Variants in DNAJC3 observed in about 807,000 individuals in gnomAD.
The protein encoded by DNAJC3 is dnaJ homolog subfamily C member 3.
DNAJC3 carries 38 observed loss-of-function variants against 68.6 expected under a neutral mutation model. The observed-to-expected ratio is 0.55, with a 90% CI of 0.43 to 0.73. DNAJC3 has a LOEUF of 0.73. Ranked by LOEUF, DNAJC3 falls within the 30% of genes least tolerant of loss-of-function variation. The pLI is 0.00. For missense variants in DNAJC3, 526 were observed against 591.9 expected (o/e 0.89, Z 1.16); for synonymous variants, 203 against 204.0 (o/e 1.00, Z 0.04).
At chr13:95,759,989 G>C (rs1405391755) in intron 5 of DNAJC3, 51 bp from the exon 6 acceptor site, 4 of 1,475,606 alleles carry the variant, frequency 2.7e-6, no homozygotes, top group Non-Finnish European at 3.6e-6. Flanking sequence ...ATGCAACAAT[G>C]AATGTGCATA....
chr13:95,749,412 A>G (rs770818598), intron 4 of DNAJC3, among the ~76,000 whole-genome samples: 8 of 152,202 alleles, frequency 5.3e-5, no homozygotes, highest in African/African-American at 1.7e-4. Flanking sequence ...TTGCTGAGAT[A>G]TGGGCCAAAG....
intron 4 of DNAJC3, among the ~76,000 whole-genome samples, chr13:95,740,178 C>A (rs867448586): frequency 1.3e-5 from 2 of 152,198 alleles, no homozygotes; most frequent in Non-Finnish European, 2.9e-5. Flanking sequence ...TCTCAGATCT[C>A]CAGCTGCGTG....
intron 2 of DNAJC3, among the ~76,000 whole-genome samples, chr13:95,718,518 A>G (rs1443638738): frequency 6.6e-6 from 1 of 152,194 alleles, no homozygotes; most frequent in African/African-American, 2.4e-5. Context: ...TCTCCTCTTC[A>G]GCCTCTGGAG....
At position 95,681,439 on chromosome 13, in the gene DNAJC3, C is replaced by A. The variant is rs191243900; in HGVS notation, c.82+4102C>A. 2.2e-3 allele frequency among the ~76,000 whole-genome samples: 336 copies of A among 152,298 alleles called. 5 individuals carry two copies. Among genetic ancestry groups the A allele is most frequent in the Middle Eastern group, 0.01 (3 of 294 alleles). On this transcript the variant is annotated intron_variant, in intron 1 of 11. Coordinates refer to ENST00000602402, the MANE Select transcript of DNAJC3 (RefSeq NM_006260.5). ...GATCCTAGCTCAATGTAGGCTTGAC[C>A]TCCTGGGCTCAAGCAGTCCTCCCAT...
At chr13:95,788,720 C>A (rs1883674749) in intron 11 of DNAJC3, among the ~76,000 whole-genome samples, 1 of 152,158 alleles carries the variant, frequency 6.6e-6, no homozygotes, top group South Asian at 2.1e-4. Context: ...GAATTCACTT[C>A]CCCTTCCATT....
chr13:95,787,949 A>T (rs1294707880), intron 11 of DNAJC3, among the ~76,000 whole-genome samples: 1 of 152,176 alleles, frequency 6.6e-6, no homozygotes, highest in Non-Finnish European at 1.5e-5. Context: ...GTGGCCTTCC[A>T]TGTCAGTGGG....
At chr13:95,717,395 A>G (rs1881185861) in intron 2 of DNAJC3, among the ~76,000 whole-genome samples, 1 of 152,226 alleles carries the variant, frequency 6.6e-6, no homozygotes, top group African/African-American at 2.4e-5. Flanking sequence ...AAGGAAACAA[A>G]AAGTGCTCTA....
intron 2 of DNAJC3, among the ~76,000 whole-genome samples, chr13:95,714,993 A>G (rs1881091615): frequency 6.6e-6 from 1 of 152,222 alleles, no homozygotes; most frequent in African/African-American, 2.4e-5. Flanking sequence ...GTAAAATGTT[A>G]CTGTGTTCAC....
At chr13:95,729,563 T>G (rs914782790) in intron 4 of DNAJC3, among the ~76,000 whole-genome samples, 2 of 152,116 alleles carry the variant, frequency 1.3e-5, no homozygotes, top group Non-Finnish European at 2.9e-5. Flanking sequence ...GTTCTATTTT[T>G]AGTTTTCTGA....
intron 2 of DNAJC3, among the ~76,000 whole-genome samples, chr13:95,721,116 T>G (rs1462418224): frequency 6.6e-6 from 1 of 152,216 alleles, no homozygotes; most frequent in African/African-American, 2.4e-5. Flanking sequence ...GTCTCTATTA[T>G]TTGAATATGT....
In DNAJC3 at chr13:95,732,623, C is replaced by T. The variant is rs541611915; in HGVS notation, c.393+7371C>T. Among the ~76,000 whole-genome samples, 46 of 151,614 alleles carry T rather than the reference C, an allele frequency of 3.0e-4. 2 individuals are homozygous for T. The South Asian group carries it at 8.4e-3, about 28-fold the overall frequency. On this transcript the variant is annotated intron_variant, in intron 4 of 11. Coordinates refer to ENST00000602402, the MANE Select transcript of DNAJC3 (RefSeq NM_006260.5). ...CAATTTGTTTATCTTTTCGTAAAAC[C>T]GACTTTTTGTTTTGTGATCCCTTGC...
Position 95,709,220 on chromosome 13 carries a change from T to G in DNAJC3, c.83-7T>G, listed in dbSNP as rs1249104232. The G allele has an allele frequency of 1.7e-5, 26 of 1,508,534 alleles. No homozygotes were observed. Among genetic ancestry groups the G allele is most frequent in the Non-Finnish European group, 2.2e-5 (25 of 1,126,048 alleles). The allele number at this position is 1,508,534 out of a possible 1,614,324, so 93.4% of individuals were successfully genotyped here. A position where few individuals can be genotyped will look rare whatever the true frequency, so the allele number is the denominator to read the frequency against. On this transcript the variant is annotated splice_polypyrimidine_tract_variant and splice_region_variant and intron_variant, in intron 1 of 11. Transcript: ENST00000602402. ...AGTTAACTGATTGTTTTTAATTTTATTTTTAGGTGCTGAATGTGGAGTAAA... is the reference window on the plus strand; with the variant it reads ...AGTTAACTGATTGTTTTTAATTTTAGTTTTAGGTGCTGAATGTGGAGTAAA...
At position 95,773,800 on chromosome 13, in the gene DNAJC3, G is replaced by A. The variant is rs1006080762; in HGVS notation, c.1075+9847G>A. Among the ~76,000 whole-genome samples the A allele has an allele frequency of 1.2e-3, 158 of 136,648 alleles. 2 individuals carry two copies. Among genetic ancestry groups the A allele is most frequent in the African/African-American group, 4.2e-3 (151 of 36,376 alleles). 89.6% of individuals were successfully genotyped at this position (136,648 alleles called of 152,430 possible). On this transcript the variant is annotated intron_variant, in intron 9 of 11. Transcript: ENST00000602402. ...TCGCCAGGCTGGAGTACAGTGGAGC[G>A]ATCTTAGCTCACTGCAACCTCTACC... is the stretch of plus-strand genomic sequence containing the variant.
chr13:95,790,721 G>C, intron 11 of DNAJC3, 152 bp from the exon 12 acceptor site: 1 of 878,082 alleles, frequency 1.1e-6, no homozygotes, highest in South Asian at 1.8e-5. Flanking sequence ...GGGAATGGGA[G>C]AGCCTGGATT....
chr13:95,734,704 TATTCTTTTTC>T (rs895164606), intron 4 of DNAJC3, among the ~76,000 whole-genome samples: 3 of 152,266 alleles, frequency 2.0e-5, no homozygotes, highest in South Asian at 2.1e-4. Context: ...TAAGCTTGTT[TATTCTTTTTC>T]ATTCTTTTTT....
chr13:95,785,451 C>CTT (rs1566517621), intron 9 of DNAJC3, among the ~76,000 whole-genome samples: 5 of 126,060 alleles, frequency 4.0e-5, no homozygotes, highest in African/African-American at 1.7e-4. Flanking sequence ...GCCTTTTAAA[C>CTT]CTTTTTTTTT....
chr13:95,677,347 G>A lies in DNAJC3; in HGVS notation c.82+10G>A. 6.3e-7 allele frequency: 1 copy of A among 1,581,924 alleles called. No individual in the cohort carries two copies. The highest frequency in any genetic ancestry group is 8.6e-7 in the Non-Finnish European group (1 of 1,165,298). On this transcript the variant is annotated intron_variant, in intron 1 of 11. Coordinates refer to ENST00000602402, the MANE Select transcript of DNAJC3 (RefSeq NM_006260.5). ...GATCTGCAGTACGAAGGTGAGTCCT[G>A]CCCTGCCCCGGCCAGGAAGTGGGCT...
intron 9 of DNAJC3, among the ~76,000 whole-genome samples, chr13:95,784,679 C>G (rs1034943323): frequency 6.6e-6 from 1 of 152,176 alleles, no homozygotes; most frequent in African/African-American, 2.4e-5. Context: ...GTTGGGAACA[C>G]TCCTGAAATC....
intron 9 of DNAJC3, among the ~76,000 whole-genome samples, chr13:95,779,969 C>T (rs1159250562): frequency 6.6e-6 from 1 of 152,132 alleles, no homozygotes; most frequent in African/African-American, 2.4e-5. Context: ...GAGTTCACTG[C>T]CCTAGCTATT....
Sources: gnomAD v4.1 joint callset for allele counts (sites outside exome capture counted in the v4.1 genomes callset) on GRCh38, gnomAD v4.1.1 for gene constraint, MANE v1.5 for transcripts, NCBI Gene and HGNC (gene_info 2026-07-23, HGNC 2026-07-21) for gene names.